Variants in PARD3B observed in about 807,000 individuals in gnomAD.
PARD3B encodes par-3 family cell polarity regulator beta.
PARD3B carries 103 observed loss-of-function variants against 130.2 expected under a neutral mutation model. The observed-to-expected ratio is 0.79, with a 90% CI of 0.67 to 0.93. The LOEUF (loss-of-function observed/expected upper bound fraction) is 0.93, where lower values mean the gene tolerates loss of function less well. Ranked by LOEUF, PARD3B falls within the 40% of genes least tolerant of loss-of-function variation. The pLI is 0.00. For missense variants in PARD3B, 1,609 were observed against 1,499.2 expected, an observed-to-expected ratio of 1.07 and a Z score of -1.21; for synonymous variants, 583 against 553.2, an observed-to-expected ratio of 1.05 and a Z score of -0.76.
chr2:205,049,241 C>A (rs2125416381), intron 4 of PARD3B, among the ~76,000 whole-genome samples: 1 of 152,282 alleles, frequency 6.6e-6, no homozygotes, highest in African/African-American at 2.4e-5. Flanking sequence ...GTTTAACTGA[C>A]TCACAGTTCT....
At chr2:205,317,666 T>A (rs369450304) in intron 18 of PARD3B, among the ~76,000 whole-genome samples, 18 of 152,184 alleles carry the variant, frequency 1.2e-4, no homozygotes, top group Admixed American at 2.0e-4. Context: ...CACCATTCTT[T>A]GTTTACATGC....
At chr2:205,106,750 T>C (rs138720199) in intron 5 of PARD3B, among the ~76,000 whole-genome samples, 14 of 152,266 alleles carry the variant, frequency 9.2e-5, no homozygotes, top group African/African-American at 3.4e-4. Context: ...AGGAAACTTC[T>C]CATATAAAAG....
intron 1 of PARD3B, among the ~76,000 whole-genome samples, chr2:204,600,354 A>G (rs1261877118): frequency 6.6e-6 from 1 of 151,758 alleles, no homozygotes; most frequent in Non-Finnish European, 1.5e-5. Flanking sequence ...TTTTGTATAG[A>G]GAGATGGGAG....
At position 205,230,380 on chromosome 2, in the gene PARD3B, C is replaced by T. The variant is rs1204073906; in HGVS notation, c.2141-15398C>T. On this transcript the variant is annotated intron_variant, in intron 15 of 22. Transcript: ENST00000406610. This position sits in a 1 kb window ranked among gnomAD's most constrained non-coding sequence, Gnocchi z 4.1. ...CCTACCAGGTCTGGGTTCTCCCCTT[C>T]AAAGCTGCGAGTTTCCTTCTGGCAG... 6.6e-6 allele frequency among the ~76,000 whole-genome samples: 1 copy of T among 152,182 alleles called. No individual in the cohort carries two copies. Among genetic ancestry groups the T allele is most frequent in the Non-Finnish European group, 1.5e-5 (1 of 68,048 alleles).
chr2:205,367,647 T>G (rs982128923), intron 18 of PARD3B, among the ~76,000 whole-genome samples: 1 of 152,122 alleles, frequency 6.6e-6, no homozygotes, highest in African/African-American at 2.4e-5. Flanking sequence ...AAATGGCCAA[T>G]CAGTAAACAT....
At chr2:205,537,751 T>C (rs773344741) in intron 21 of PARD3B, among the ~76,000 whole-genome samples, 9 of 152,194 alleles carry the variant, frequency 5.9e-5, no homozygotes, top group Non-Finnish European at 1.0e-4. Context: ...TACACACACA[T>C]GGTCCTGGCA....
At chr2:205,218,514 A>G (rs2125865807) in intron 15 of PARD3B, among the ~76,000 whole-genome samples, 2 of 152,348 alleles carry the variant, frequency 1.3e-5, no homozygotes, top group Middle Eastern at 6.8e-3. Flanking sequence ...AACTCAAAAG[A>G]ATTTCTAAGT....
At chr2:205,586,780 C>T (rs764968907) in intron 22 of PARD3B, among the ~76,000 whole-genome samples, 11 of 152,142 alleles carry the variant, frequency 7.2e-5, no homozygotes, top group Non-Finnish European at 1.6e-4. Flanking sequence ...TTAGCACTGA[C>T]ACAGACTAGC....
chr2:205,206,204 C>CTT (rs559433029), intron 15 of PARD3B, among the ~76,000 whole-genome samples: 2 of 131,608 alleles, frequency 1.5e-5, no homozygotes, highest in African/African-American at 3.0e-5. Context: ...TTCTGTGTTC[C>CTT]TTTTTTTTTT....
Position 205,158,744 on chromosome 2 carries a change from C to T in PARD3B, c.1457C>T (p.Ala486Val). 1.9e-6 allele frequency: 3 copies of T among 1,613,874 alleles called. No individual in the cohort carries two copies. Among genetic ancestry groups the T allele is most frequent in the South Asian group, 2.2e-5 (2 of 91,034 alleles). ...RELKGEPDCC[A>V]LSLETSEQLT... ...CAGAAAGGAGAACCTGACTGCTGTG[C>T]ACTCTCTCTGGAGACAAGCGAGCAG... The change falls in exon 11 of 23, where the codon GCA (alanine) becomes GTA (valine). Residue 486 changes from alanine (A) to valine (V), a missense_variant. By Grantham distance (64) the Ala-to-Val change is moderately conservative. Transcript: ENST00000406610. This position sits in a 1 kb window ranked among gnomAD's most constrained non-coding sequence, Gnocchi z 5.4.
At chr2:205,097,668 A>G (rs1034716994) in intron 4 of PARD3B, among the ~76,000 whole-genome samples, 1 of 152,178 alleles carries the variant, frequency 6.6e-6, no homozygotes, top group African/African-American at 2.4e-5. Context: ...AGGTTGTCAC[A>G]ACACTCCAGG....
chr2:204,883,064 A>T (rs929098584), intron 2 of PARD3B, among the ~76,000 whole-genome samples: 3 of 152,120 alleles, frequency 2.0e-5, no homozygotes, highest in Non-Finnish European at 4.4e-5. Flanking sequence ...TTGGAATATC[A>T]TATAAATAAA....
At chr2:204,935,256 G>A (rs1011766167) in intron 2 of PARD3B, among the ~76,000 whole-genome samples, 27 of 150,862 alleles carry the variant, frequency 1.8e-4, no homozygotes, top group Admixed American at 1.3e-3. Flanking sequence ...TAGGCTGTGC[G>A]CAGTGGCTCA....
rs2053257831 is a variant in PARD3B at position 205,564,671 on chromosome 2, GCAGT to G, written c.3260+11273_3260+11276del. On this transcript the variant is annotated intron_variant, in intron 22 of 22. Coordinates refer to ENST00000406610, the MANE Select transcript of PARD3B (RefSeq NM_001302769.2). The surrounding 1 kb of genome is among the most constrained non-coding windows in gnomAD (Gnocchi z 4.6). ...TTCAAGTCCAGAGAAGAGAGCTTTG[GCAGT>G]CAGTTACTATGGTGGTGCCACCCGA... is the stretch of plus-strand genomic sequence containing the variant. 6.6e-6 allele frequency among the ~76,000 whole-genome samples: 1 copy of G among 152,184 alleles called. No individual in the cohort carries two copies. Among genetic ancestry groups the G allele is most frequent in the African/African-American group, 2.4e-5 (1 of 41,452 alleles).
At chr2:205,101,376 A>T (rs1190243961) in intron 4 of PARD3B, among the ~76,000 whole-genome samples, 1 of 152,210 alleles carries the variant, frequency 6.6e-6, no homozygotes, top group Non-Finnish European at 1.5e-5. Flanking sequence ...TAAAATTAAA[A>T]ATGAAAATAA....
chr2:204,936,393 C>G (rs1022448198), intron 2 of PARD3B, among the ~76,000 whole-genome samples: 2 of 152,322 alleles, frequency 1.3e-5, no homozygotes, highest in South Asian at 4.1e-4. Context: ...GTTGATCAAT[C>G]TATTAACATG....
rs188269119 is a variant in PARD3B at position 204,928,907 on chromosome 2, A to G, written c.223-36245A>G. Among the ~76,000 whole-genome samples, 3 of 152,190 alleles carry G rather than the reference A, an allele frequency of 2.0e-5. No individual in the cohort carries two copies. In the East Asian group the frequency reaches 5.8e-4, roughly 29 times the overall value. On this transcript the variant is annotated intron_variant, in intron 2 of 22. Coordinates refer to ENST00000406610, the MANE Select transcript of PARD3B (RefSeq NM_001302769.2). ...GGTCATGCTAGCCTTCCACCCATGG[A>G]CAGTATCTTAGATGAAAATACTCCA...
Position 205,091,716 on chromosome 2 carries a change from G to T in PARD3B, c.505-12710G>T, listed in dbSNP as rs953765319. ...AGAATAGCAGTGTGTTTGGGATCTTGCTGGTGCTCAGTTGAGTTGAATTAT... is the reference window on the plus strand; with the variant it reads ...AGAATAGCAGTGTGTTTGGGATCTTTCTGGTGCTCAGTTGAGTTGAATTAT... On this transcript the variant is annotated intron_variant, in intron 4 of 22. Transcript: ENST00000406610. This position sits in a 1 kb window ranked among gnomAD's most constrained non-coding sequence, Gnocchi z 4.2. Among the ~76,000 whole-genome samples, 1 of 152,258 alleles carries T rather than the reference G, an allele frequency of 6.6e-6. No homozygotes were observed. The highest frequency in any genetic ancestry group is 2.1e-4 in the South Asian group (1 of 4,824).
chr2:205,439,762 C>T (rs1010269337), intron 19 of PARD3B, among the ~76,000 whole-genome samples: 6 of 152,126 alleles, frequency 3.9e-5, no homozygotes, highest in East Asian at 1.9e-4. Context: ...CTGTCCCTAG[C>T]GCCTATATAA....
Sources: allele counts gnomAD v4.1 joint callset (sites outside exome capture counted in the v4.1 genomes callset), GRCh38; gene constraint gnomAD v4.1.1; non-coding constraint Gnocchi (gnomAD v3.1); transcripts MANE v1.5; gene names NCBI Gene and HGNC (gene_info 2026-07-23, HGNC 2026-07-21).